Variants in FAM3B observed in about 807,000 individuals in gnomAD.
FAM3B encodes protein FAM3B.
In FAM3B, 29 loss-of-function variants were observed where a neutral mutation model predicts 28.4. The observed-to-expected ratio is 1.02, with a 90% CI of 0.76 to 1.39. The LOEUF (loss-of-function observed/expected upper bound fraction) is 1.39, where lower values mean the gene tolerates loss of function less well. Ranked by LOEUF, FAM3B falls within the 40% of genes most tolerant of loss-of-function variation. The pLI is 0.00. For missense variants in FAM3B, 266 were observed against 293.9 expected (o/e 0.91, Z 0.69); for synonymous variants, 91 against 103.0 (o/e 0.88, Z 0.71).
intron 3 of FAM3B, among the ~76,000 whole-genome samples, chr21:41,342,439 C>T (rs189761857): frequency 6.6e-6 from 1 of 152,168 alleles, no homozygotes; most frequent in South Asian, 2.1e-4. Flanking sequence ...TTCTCCTCTT[C>T]TTCTGAGATT....
chr21:41,312,150 G>A (rs1356548914), upstream of FAM3B, among the ~76,000 whole-genome samples: 1 of 152,192 alleles, frequency 6.6e-6, no homozygotes, highest in East Asian at 1.9e-4. Flanking sequence ...GGGACACAGA[G>A]CCAAACCATG....
chr21:41,344,946 A>G (rs1049282549), intron 4 of FAM3B, among the ~76,000 whole-genome samples: 13 of 152,200 alleles, frequency 8.5e-5, no homozygotes, highest in African/African-American at 2.9e-4. Flanking sequence ...ACCTCGTGGG[A>G]AACAAAACTT....
At chr21:41,310,268 T>G (rs1276213267) in intron 1 of FAM3B, among the ~76,000 whole-genome samples, 1 of 152,034 alleles carries the variant, frequency 6.6e-6, no homozygotes, top group Non-Finnish European at 1.5e-5. Context: ...CAGTTCCTCT[T>G]GGTGGCACCA....
chr21:41,350,000 C>T (rs916454850), intron 7 of FAM3B, among the ~76,000 whole-genome samples: 2 of 152,192 alleles, frequency 1.3e-5, no homozygotes, highest in African/African-American at 2.4e-5. Context: ...CTGCCCTAAC[C>T]GAGAGGCACT....
chr21:41,340,779 C>CA (rs1449468298), intron 3 of FAM3B, among the ~76,000 whole-genome samples: 1 of 151,908 alleles, frequency 6.6e-6, no homozygotes, highest in African/African-American at 2.4e-5. Flanking sequence ...TTACATGTCC[C>CA]AAAAAAGGAG....
chr21:41,338,809 C>G (rs2088978897), intron 3 of FAM3B, among the ~76,000 whole-genome samples: 1 of 152,144 alleles, frequency 6.6e-6, no homozygotes, highest in African/African-American at 2.4e-5. Context: ...TGATGATAGA[C>G]AAGTACTCTG....
At chr21:41,348,795 T>C in intron 7 of FAM3B, 71 bp downstream of exon 7, 1 of 1,562,856 alleles carries the variant, frequency 6.4e-7, no homozygotes, top group South Asian at 1.1e-5. Flanking sequence ...AAAACGTTCC[T>C]GGTGGGTTAT....
Position 41,344,804 on chromosome 21 carries a change from C to T in FAM3B, c.346+270C>T, listed in dbSNP as rs116413991. On this transcript the variant is annotated intron_variant, in intron 4 of 7. Transcript: ENST00000357985. The stretch of plus-strand genomic sequence containing the variant: ...GATAGGCCAAAGTTAGGGTTAACAC[C>T]AGAAGGGCCGCCAAGGGGGTGCAGC... Among the ~76,000 whole-genome samples, 636 of 152,170 alleles carry T rather than the reference C, an allele frequency of 4.2e-3. 4 individuals are homozygous for T. Among genetic ancestry groups the T allele is most frequent in the Admixed American group, 0.013 (198 of 15,292 alleles).
chr21:41,345,641 A>T, intron 4 of FAM3B, 45 bp from the exon 5 acceptor site: 4 of 1,242,136 alleles, frequency 3.2e-6, no homozygotes, highest in Non-Finnish European at 4.5e-6. Flanking sequence ...AGTGCGCCCT[A>T]GTTCTGTGAA....
intron 4 of FAM3B, among the ~76,000 whole-genome samples, chr21:41,345,070 C>T (rs183693831): frequency 6.0e-4 from 91 of 152,298 alleles, no homozygotes; most frequent in Non-Finnish European, 7.9e-4. Flanking sequence ...CGCATAGCCC[C>T]GAGACGTGAG....
intron 1 of FAM3B, among the ~76,000 whole-genome samples, chr21:41,317,638 T>C (rs2088761999): frequency 6.6e-6 from 1 of 152,094 alleles, no homozygotes; most frequent in Non-Finnish European, 1.5e-5. Flanking sequence ...TGGAGCGACG[T>C]AGCCTGGCTG....
At chr21:41,322,874 G>A (rs749877205) in intron 1 of FAM3B, 49 bp from the exon 2 acceptor site, 17 of 1,614,030 alleles carry the variant, frequency 1.1e-5, no homozygotes, top group Non-Finnish European at 1.4e-5. Flanking sequence ...CCAAGGGCCA[G>A]GGCCGCCACC....
intron 1 of FAM3B, 46 bp downstream of exon 1, chr21:41,316,944 G>A (rs753215322): frequency 7.8e-7 from 1 of 1,288,906 alleles, no homozygotes; most frequent in Non-Finnish European, 9.9e-7. Flanking sequence ...CGGGGAAGGA[G>A]GACCCCAGGG....
Position 41,323,036 on chromosome 21 carries a change from C to T in FAM3B, c.133C>T (p.Arg45Cys), listed in dbSNP as rs528828387. The T allele has an allele frequency of 2.0e-4, 318 of 1,607,718 alleles. 2 individuals carry two copies. In the South Asian group the frequency reaches 3.2e-3, roughly 16 times the overall value. ...APLSSAAYSI[R>C]SIGERPVLKA... Reference sequence around the variant, plus strand: ...CCTGTCCAGTGCTGCCTATAGCATCCGCAGCATCGGGGAGAGGCCTGTCCT... The same window carrying T: ...CCTGTCCAGTGCTGCCTATAGCATCTGCAGCATCGGGGAGAGGCCTGTCCT... The change falls in exon 2 of 8, where the codon CGC (arginine) becomes TGC (cysteine). Residue 45 changes from arginine to cysteine, a missense_variant. Transcript: ENST00000357985.
chr21:41,305,790 T>G (rs1173540824), intron 1 of FAM3B, among the ~76,000 whole-genome samples: 1 of 152,240 alleles, frequency 6.6e-6, no homozygotes, highest in East Asian at 1.9e-4. Flanking sequence ...CTTGCCTCAG[T>G]GTGGATGGCT....
Position 41,338,487 on chromosome 21 carries a change from C to T in FAM3B, c.273C>T (p.Cys91=). ...GCAGAAGCAAGTACGCCAAAATCTG[C>T]TTTGAGGATAACCTGTAAGTACCAG... ...GGGRSKYAKI[C]FEDNLLMGEQ... The change falls in exon 3 of 8, where the codon TGC becomes TGT. Residue 91 remains cysteine (C), a synonymous_variant. Transcript: ENST00000357985. The T allele has an allele frequency of 1.2e-6, 2 of 1,614,154 alleles. No individual in the cohort carries two copies. Among genetic ancestry groups the T allele is most frequent in the Non-Finnish European group, 1.7e-6 (2 of 1,180,014 alleles).
intron 1 of FAM3B, chr21:41,322,489 A>G (rs757234464): frequency 1.1e-4 from 75 of 678,390 alleles, no homozygotes; most frequent in Middle Eastern, 6.0e-4. Flanking sequence ...TCAACAAAAC[A>G]GACAGAGCTT....
chr21:41,336,392 C>A (rs1431843317), intron 2 of FAM3B, among the ~76,000 whole-genome samples: 2 of 152,158 alleles, frequency 1.3e-5, no homozygotes, highest in African/African-American at 4.8e-5. Context: ...TGTGGTGGTG[C>A]ATGCCTATAG....
In FAM3B at chr21:41,357,250, C is replaced by A; in HGVS notation, c.*53C>A. On this transcript the variant is annotated 3_prime_UTR_variant, in exon 8 of 8. Transcript: ENST00000357985. ...CTGTATAAACAAATGCAGCTGGAAT[C>A]GCTCAAGAATCTTATTTTTCTAAAT... The A allele has an allele frequency of 1.6e-6, 2 of 1,278,178 alleles. No individual in the cohort carries two copies. The highest frequency in any genetic ancestry group is 2.1e-5 in the Admixed American group (1 of 48,770). The allele number at this position is 1,278,178 out of a possible 1,614,324, so 79.2% of individuals were successfully genotyped here. A position where few individuals can be genotyped will look rare whatever the true frequency, so the allele number is the denominator to read the frequency against.
Sources: gnomAD v4.1 joint callset for allele counts (sites outside exome capture counted in the v4.1 genomes callset) on GRCh38, gnomAD v4.1.1 for gene constraint, MANE v1.5 for transcripts, NCBI Gene and HGNC (gene_info 2026-07-23, HGNC 2026-07-21) for gene names.